Variants in ATRNL1 observed in about 807,000 individuals in gnomAD.
The protein encoded by ATRNL1 is attractin-like protein 1.
A neutral mutation model predicts 182.7 loss-of-function variants in ATRNL1; 95 were observed. That is an observed-to-expected ratio of 0.52 (90% CI 0.44 to 0.62). The LOEUF (loss-of-function observed/expected upper bound fraction) is 0.62. Among genes scored for constraint, ATRNL1 ranks in the 20% least tolerant of loss-of-function variants. ATRNL1 has a pLI of 0.00. For missense variants in ATRNL1, 1,471 were observed against 1,679.5 expected (o/e 0.88, Z 2.17); for synonymous variants, 576 against 568.3 (o/e 1.01, Z -0.19).
intron 26 of ATRNL1, among the ~76,000 whole-genome samples, chr10:115,559,328 C>T (rs140023211): frequency 5.3e-5 from 8 of 152,284 alleles, no homozygotes; most frequent in African/African-American, 1.7e-4. Flanking sequence ...GCAACAAGCA[C>T]ATCTAGCACC....
rs189246043 is a variant in ATRNL1 at position 115,793,020 on chromosome 10, C to A, written c.3904-54857C>A. Among the ~76,000 whole-genome samples, 1,093 of 151,890 alleles carry A rather than the reference C, an allele frequency of 7.2e-3. 13 individuals carry two copies. Among genetic ancestry groups the A allele is most frequent in the Non-Finnish European group, 0.01 (686 of 67,826 alleles). ...AATACAAATATACAAATGATTTTTT[C>A]CATATAAGTAGTAAAACTTTAAGGA... is the stretch of plus-strand genomic sequence containing the variant. On this transcript the variant is annotated intron_variant, in intron 27 of 28. Coordinates refer to ENST00000355044, the MANE Select transcript of ATRNL1 (RefSeq NM_207303.4).
At chr10:115,658,635 G>A (rs565555873) in intron 26 of ATRNL1, among the ~76,000 whole-genome samples, 25 of 152,192 alleles carry the variant, frequency 1.6e-4, no homozygotes, top group African/African-American at 5.8e-4. Flanking sequence ...GAGGATATCA[G>A]TTCAGGCACC....
chr10:115,498,978 A>G (rs1849683630), intron 24 of ATRNL1, among the ~76,000 whole-genome samples: 2 of 152,068 alleles, frequency 1.3e-5, no homozygotes, highest in Non-Finnish European at 2.9e-5. Context: ...TTAACACAGT[A>G]TGCAGAAAAA....
At chr10:115,322,863 G>A (rs1554931929) in intron 18 of ATRNL1, among the ~76,000 whole-genome samples, 1 of 151,776 alleles carries the variant, frequency 6.6e-6, no homozygotes. Context: ...AATCTTATTG[G>A]GCTTTTTTGT....
intron 27 of ATRNL1, among the ~76,000 whole-genome samples, chr10:115,741,252 A>G (rs1234871688): frequency 2.6e-5 from 4 of 152,158 alleles, no homozygotes; most frequent in Non-Finnish European, 5.9e-5. Context: ...ACAATACTCA[A>G]TGTATTGCTG....
intron 24 of ATRNL1, among the ~76,000 whole-genome samples, chr10:115,496,938 T>C (rs1849578225): frequency 6.6e-6 from 1 of 152,198 alleles, no homozygotes; most frequent in African/African-American, 2.4e-5. Context: ...ATGTGGCCTC[T>C]CTAGCAAGGC....
chr10:115,175,625 A>C (rs1554886537), intron 8 of ATRNL1, among the ~76,000 whole-genome samples: 2 of 152,108 alleles, frequency 1.3e-5, no homozygotes, highest in African/African-American at 4.8e-5. Context: ...TTATAAGAAT[A>C]ATAGATAAAC....
intron 28 of ATRNL1, among the ~76,000 whole-genome samples, chr10:115,896,070 T>TATCATC (rs1228574339): frequency 1.3e-5 from 2 of 152,124 alleles, no homozygotes; most frequent in Non-Finnish European, 2.9e-5. Flanking sequence ...TCACTGTCAT[T>TATCATC]ATCATCATCA....
chr10:115,721,719 A>G (rs1391851876), intron 26 of ATRNL1, among the ~76,000 whole-genome samples: 1 of 152,170 alleles, frequency 6.6e-6, no homozygotes, highest in Admixed American at 6.5e-5. Context: ...ATTCAAGTTG[A>G]GATTTGGGTG....
At chr10:115,122,302 A>G (rs1844773150) in intron 3 of ATRNL1, among the ~76,000 whole-genome samples, 1 of 151,812 alleles carries the variant, frequency 6.6e-6, no homozygotes, top group South Asian at 2.1e-4. Context: ...TTGTTTCAAA[A>G]TATTTTATTG....
intron 26 of ATRNL1, among the ~76,000 whole-genome samples, chr10:115,615,033 AC>A (rs2133788202): frequency 6.6e-6 from 1 of 151,266 alleles, no homozygotes; most frequent in African/African-American, 2.4e-5. Flanking sequence ...CAAGGTTTTT[AC>A]TTTTCTATTG....
At chr10:115,250,072 A>C (rs188654050) in intron 10 of ATRNL1, among the ~76,000 whole-genome samples, 4 of 152,230 alleles carry the variant, frequency 2.6e-5, no homozygotes, top group Admixed American at 2.6e-4. Context: ...CCATATGGCC[A>C]TAGGGAGGGG....
chr10:115,892,038 A>G (rs1952091647), intron 28 of ATRNL1, among the ~76,000 whole-genome samples: 1 of 152,198 alleles, frequency 6.6e-6, no homozygotes, highest in Non-Finnish European at 1.5e-5. Flanking sequence ...TATTAAGGTG[A>G]ATACGGACAA....
chr10:115,498,189 C>A (rs11197246), intron 24 of ATRNL1, among the ~76,000 whole-genome samples: 1 of 151,618 alleles, frequency 6.6e-6, no homozygotes, highest in African/African-American at 2.4e-5. Flanking sequence ...AATATATGTC[C>A]GATATTTATT....
At chr10:115,405,528 G>A (rs1040439228) in intron 20 of ATRNL1, among the ~76,000 whole-genome samples, 1 of 152,050 alleles carries the variant, frequency 6.6e-6, no homozygotes, top group African/African-American at 2.4e-5. Context: ...GTGCAAATAT[G>A]ATATCCTTTC....
intron 17 of ATRNL1, among the ~76,000 whole-genome samples, chr10:115,307,413 C>T (rs1554926533): frequency 6.6e-6 from 1 of 152,120 alleles, no homozygotes; most frequent in Non-Finnish European, 1.5e-5. Context: ...CAGGTGCCTG[C>T]CCCATGCCTG....
chr10:115,127,339 GC>G (rs1845015956), intron 3 of ATRNL1, among the ~76,000 whole-genome samples: 1 of 152,104 alleles, frequency 6.6e-6, no homozygotes, highest in Non-Finnish European at 1.5e-5. Context: ...ATGAGACATT[GC>G]CTTACAAATA....
rs147169828 is a variant in ATRNL1, at chr10:115,138,735, A to T, written c.829+9200A>T. Among the ~76,000 whole-genome samples, 692 of 152,234 alleles carry T rather than the reference A, an allele frequency of 4.5e-3. 5 individuals are homozygous for T. The highest frequency in any genetic ancestry group is 1.0e-2 in the South Asian group (48 of 4,804). On this transcript the variant is annotated intron_variant, in intron 5 of 28. Coordinates refer to ENST00000355044, the MANE Select transcript of ATRNL1 (RefSeq NM_207303.4). ...TGTGATGGGAGGCGATGCTGTGAAG[A>T]CCACTGACGTGCCCTGGAGACATTT...
chr10:115,365,641 T>G (rs1271289480), intron 19 of ATRNL1, among the ~76,000 whole-genome samples: 7 of 151,558 alleles, frequency 4.6e-5, no homozygotes, highest in Non-Finnish European at 1.0e-4. Context: ...CTTTCCTGCT[T>G]TCTCTTGTGG....
Sources: gnomAD v4.1 joint callset for allele counts (sites outside exome capture counted in the v4.1 genomes callset) on GRCh38, gnomAD v4.1.1 for gene constraint, MANE v1.5 for transcripts, NCBI Gene and HGNC (gene_info 2026-07-23, HGNC 2026-07-21) for gene names.